FGF18: variants seen among roughly 807,000 people sequenced by gnomAD.
The protein encoded by FGF18 is fibroblast growth factor 18.
In FGF18, 5 loss-of-function variants were observed where a neutral mutation model predicts 23.0. That is an observed-to-expected ratio of 0.22 (90% CI 0.11 to 0.46). The LOEUF is 0.46. Ranked by LOEUF, FGF18 falls within the 20% of genes least tolerant of loss-of-function variation. The probability of loss-of-function intolerance (pLI) is 0.99; values close to 1 mark genes in which losing one functional copy is unlikely to be tolerated. For missense variants in FGF18, 180 were observed against 291.6 expected, an observed-to-expected ratio of 0.62 and a Z score of 2.79; for synonymous variants, 117 against 118.9, an observed-to-expected ratio of 0.98 and a Z score of 0.10.
chr5:171,424,001 G>A (rs1259807671), intron 2 of FGF18, among the ~76,000 whole-genome samples: 1 of 152,040 alleles, frequency 6.6e-6, no homozygotes, highest in East Asian at 1.9e-4. Flanking sequence ...CTGACCTCAG[G>A]TGATCTGCCT....
At position 171,436,430 on chromosome 5, in the gene FGF18, T is replaced by C. The variant is rs1772247353; in HGVS notation, c.250+157T>C. Among the ~76,000 whole-genome samples, 1 of 152,178 alleles carries C rather than the reference T, an allele frequency of 6.6e-6. No homozygotes were observed. The highest frequency in any genetic ancestry group is 1.5e-5 in the Non-Finnish European group (1 of 68,030). ...TGGGTCTGTTTCCTGATCTATAAAA[T>C]GGGGATGCAATAGTGAATCCTTGAG... On this transcript the variant is annotated intron_variant, in intron 3 of 4. Coordinates refer to ENST00000274625, the MANE Select transcript of FGF18 (RefSeq NM_003862.3). The surrounding 1 kb of genome is among the most constrained non-coding windows in gnomAD (Gnocchi z 4.4).
At chr5:171,437,237 C>A (rs1310460030) in intron 3 of FGF18, among the ~76,000 whole-genome samples, 1 of 152,224 alleles carries the variant, frequency 6.6e-6, no homozygotes, top group East Asian at 1.9e-4. Context: ...GCCTGCCAAC[C>A]CTGCCCGTTG....
chr5:171,423,605 G>T, intron 2 of FGF18, among the ~76,000 whole-genome samples: 1 of 152,052 alleles, frequency 6.6e-6, no homozygotes, highest in East Asian at 1.9e-4. Flanking sequence ...CACAAGAAGT[G>T]TTCAAGTTTG....
chr5:171,444,650 G>A (rs927294191), intron 3 of FGF18, among the ~76,000 whole-genome samples: 1 of 152,068 alleles, frequency 6.6e-6, no homozygotes, highest in African/African-American at 2.4e-5. Context: ...ACCGAGAGTC[G>A]CACCAGGAAG....
chr5:171,454,882 C>A (rs1037959692), intron 4 of FGF18, among the ~76,000 whole-genome samples: 1 of 152,214 alleles, frequency 6.6e-6, no homozygotes, highest in Admixed American at 6.5e-5. Flanking sequence ...TCGAGCAATT[C>A]GGCTGTCTCA....
At chr5:171,426,107 G>T (rs1467428916) in intron 2 of FGF18, among the ~76,000 whole-genome samples, 12 of 152,130 alleles carry the variant, frequency 7.9e-5, no homozygotes, top group Admixed American at 7.9e-4. Flanking sequence ...TTCTGCATGT[G>T]TACAATGGGA....
At chr5:171,444,243 C>T (rs1772387116) in intron 3 of FGF18, among the ~76,000 whole-genome samples, 1 of 152,118 alleles carries the variant, frequency 6.6e-6, no homozygotes, top group African/African-American at 2.4e-5. Flanking sequence ...CACTCGCTCC[C>T]CAGGAAAGGG....
At chr5:171,453,960 C>T (rs113951988) in intron 4 of FGF18, among the ~76,000 whole-genome samples, 1,731 of 152,190 alleles carry the variant, frequency 0.011, 44 homozygotes, top group African/African-American at 0.039. Context: ...CCCAAATGCT[C>T]GGGGCACCCC....
chr5:171,441,147 G>A lies in FGF18; in HGVS notation c.250+4874G>A, dbSNP rs569838540. On this transcript the variant is annotated intron_variant, in intron 3 of 4. Transcript: ENST00000274625. ...GGTGGAGCTGGGAGGGAGTCCTCTC[G>A]TCCCCATTTCCCTCCTTCTGGTAGT... Among the ~76,000 whole-genome samples, 30 of 152,296 alleles carry A rather than the reference G, an allele frequency of 2.0e-4. 1 individual carries two copies. In the East Asian group the frequency reaches 4.0e-3, roughly 21 times the overall value.
At chr5:171,428,503 G>T (rs973590837) in intron 2 of FGF18, among the ~76,000 whole-genome samples, 23 of 152,174 alleles carry the variant, frequency 1.5e-4, no homozygotes, top group Non-Finnish European at 2.6e-4. Flanking sequence ...AGAGCAAACC[G>T]GGTGAAGAGG....
Position 171,449,360 on chromosome 5 carries a change from CGTGTGTGT to C in FGF18, c.357+141_357+148del, listed in dbSNP as rs56932885. 2.5e-3 allele frequency: 471 copies of C among 187,230 alleles called. 4 individuals carry two copies. Among genetic ancestry groups the C allele is most frequent in the African/African-American group, 0.016 (417 of 26,702 alleles). 11.6% of individuals were successfully genotyped at this position (187,230 alleles called of 1,614,324 possible). On this transcript the variant is annotated intron_variant, in intron 4 of 4. Coordinates refer to ENST00000274625, the MANE Select transcript of FGF18 (RefSeq NM_003862.3). ...TGTCAGTCCCAAATGGAAAACAGGC[CGTGTGTGT>C]GTGTGTGTGTGTGTGTGTGTGTGTG...
chr5:171,432,869 C>G (rs1389691928), intron 2 of FGF18, among the ~76,000 whole-genome samples: 1 of 152,214 alleles, frequency 6.6e-6, no homozygotes, highest in Non-Finnish European at 1.5e-5. Flanking sequence ...TTTTGGCATG[C>G]GTTTGCTGGT....
At chr5:171,423,336 C>A (rs1019159660) in intron 2 of FGF18, among the ~76,000 whole-genome samples, 1 of 152,372 alleles carries the variant, frequency 6.6e-6, no homozygotes, top group East Asian at 1.9e-4. Context: ...GGGGAGCAAA[C>A]GGCGTGACCA....
At chr5:171,427,734 T>C (rs1156774207) in intron 2 of FGF18, among the ~76,000 whole-genome samples, 1 of 152,228 alleles carries the variant, frequency 6.6e-6, no homozygotes, top group East Asian at 1.9e-4. Flanking sequence ...GAAGAAGGTA[T>C]CCAAGGCTTT....
chr5:171,422,947 G>A (rs1772038369), intron 2 of FGF18, among the ~76,000 whole-genome samples: 1 of 152,194 alleles, frequency 6.6e-6, no homozygotes, highest in African/African-American at 2.4e-5. Flanking sequence ...GATGGGGGGT[G>A]GGGTAGTTTT....
chr5:171,453,390 C>T (rs947777815), intron 4 of FGF18, among the ~76,000 whole-genome samples: 4 of 152,248 alleles, frequency 2.6e-5, no homozygotes, highest in African/African-American at 9.6e-5. Flanking sequence ...ATGCATTGAG[C>T]CCGCGTGACT....
chr5:171,421,422 T>C (rs922303212), intron 2 of FGF18, among the ~76,000 whole-genome samples: 6 of 152,082 alleles, frequency 3.9e-5, no homozygotes, highest in Non-Finnish European at 7.4e-5. Context: ...CAGGAGGAAC[T>C]GGACACAGGT....
chr5:171,449,318 C>G, intron 4 of FGF18, 65 bp downstream of exon 4: 1 of 1,068,030 alleles, frequency 9.4e-7, no homozygotes, highest in Non-Finnish European at 1.4e-6. Context: ...GGAGCTGGAA[C>G]AATGTGTCCA....
chr5:171,429,029 G>C (rs558847600), intron 2 of FGF18, among the ~76,000 whole-genome samples: 10 of 152,212 alleles, frequency 6.6e-5, no homozygotes, highest in African/African-American at 2.4e-4. Flanking sequence ...TGGACAGTCT[G>C]GGGGGTGGGG....
Sources: gnomAD v4.1 joint callset for allele counts (sites outside exome capture counted in the v4.1 genomes callset) on GRCh38, gnomAD v4.1.1 for gene constraint, Gnocchi (gnomAD v3.1) non-coding constraint, MANE v1.5 for transcripts, NCBI Gene and HGNC (gene_info 2026-07-23, HGNC 2026-07-21) for gene names.